Variants in TCF4 observed in about 807,000 individuals in gnomAD.
TCF4 encodes the protein SL3-3 enhancer factor 2.
In TCF4, 3 loss-of-function variants were observed where a neutral mutation model predicts 82.1. The observed-to-expected ratio is 0.04, with a 90% CI of 0.02 to 0.09. The LOEUF (loss-of-function observed/expected upper bound fraction) is 0.09. TCF4 is among the 10% of genes least tolerant of loss of function. TCF4 has a pLI of 1.00. For synonymous variants in TCF4, 276 were observed against 309.6 expected (o/e 0.89, Z 1.14); for missense variants, 518 against 852.7 (o/e 0.61, Z 4.89).
At chr18:55,498,098 T>A (rs2096657843) in intron 3 of TCF4, among the ~76,000 whole-genome samples, 2 of 152,236 alleles carry the variant, frequency 1.3e-5, no homozygotes, top group Non-Finnish European at 2.9e-5. Flanking sequence ...TACACCAAGA[T>A]ATTTTTACAA....
chr18:55,303,226 TAC>T (rs74180496), intron 8 of TCF4, among the ~76,000 whole-genome samples: 8,671 of 135,906 alleles, frequency 0.064, 271 homozygotes, highest in Non-Finnish European at 0.073. Flanking sequence ...TCCCAGTACG[TAC>T]ACACACACAC....
chr18:55,322,206 T>C, intron 8 of TCF4: 1 of 1,063,056 alleles, frequency 9.4e-7, no homozygotes, highest in Non-Finnish European at 1.1e-6. Context: ...GGGTCCATTA[T>C]TGAGCAGAAT....
chr18:55,357,081 A>G (rs2145035150), intron 6 of TCF4, among the ~76,000 whole-genome samples: 1 of 152,304 alleles, frequency 6.6e-6, no homozygotes, highest in South Asian at 2.1e-4. Context: ...ACAACTGCCC[A>G]AGGGTTGGCC....
chr18:55,568,627 T>TA (rs2097431355), intron 3 of TCF4, among the ~76,000 whole-genome samples: 1 of 152,064 alleles, frequency 6.6e-6, no homozygotes, highest in Non-Finnish European at 1.5e-5. Flanking sequence ...ATCAGTGGCT[T>TA]AAAATCTTCT....
intron 8 of TCF4, among the ~76,000 whole-genome samples, chr18:55,282,983 A>G (rs1273752215): frequency 6.6e-6 from 1 of 152,128 alleles, no homozygotes; most frequent in Non-Finnish European, 1.5e-5. Flanking sequence ...TCTTTTAGTA[A>G]CCTATTTGTT....
intron 14 of TCF4, among the ~76,000 whole-genome samples, chr18:55,256,097 T>A (rs933029766): frequency 6.6e-6 from 1 of 152,136 alleles, no homozygotes; most frequent in Non-Finnish European, 1.5e-5. Context: ...GGAATGATAA[T>A]ACATACTTAC....
At chr18:55,274,683 A>G (rs895270178) in intron 10 of TCF4, among the ~76,000 whole-genome samples, 1 of 152,180 alleles carries the variant, frequency 6.6e-6, no homozygotes, top group Non-Finnish European at 1.5e-5. Flanking sequence ...GGATCACTGG[A>G]TTTCCCATAT....
chr18:55,566,208 G>T (rs956025679), intron 3 of TCF4, among the ~76,000 whole-genome samples: 1 of 151,770 alleles, frequency 6.6e-6, no homozygotes, highest in African/African-American at 2.4e-5. Context: ...GCGAGATTCT[G>T]CCTCAAAAAC....
upstream of TCF4, chr18:55,589,202 T>C: frequency 8.5e-6 from 8 of 937,442 alleles, no homozygotes; most frequent in Non-Finnish European, 1.0e-5. Flanking sequence ...ATTTAATAGG[T>C]TGTCCCTTTT....
At chr18:55,562,790 TA>T (rs1321137130) in intron 3 of TCF4, among the ~76,000 whole-genome samples, 1 of 152,228 alleles carries the variant, frequency 6.6e-6, no homozygotes, top group African/African-American at 2.4e-5. Flanking sequence ...CCTTCTACCA[TA>T]AATAATATCT....
chr18:55,356,734 T>C (rs184669162), intron 6 of TCF4, among the ~76,000 whole-genome samples: 376 of 152,300 alleles, frequency 2.5e-3, no homozygotes, highest in Non-Finnish European at 3.9e-3. Flanking sequence ...AATGAATTAT[T>C]ATGTTATACT....
At chr18:55,451,963 G>A (rs1026195273) in intron 5 of TCF4, among the ~76,000 whole-genome samples, 2 of 152,146 alleles carry the variant, frequency 1.3e-5, no homozygotes, top group African/African-American at 4.8e-5. Context: ...CTATAATCAT[G>A]TCACTGTACT....
At chr18:55,311,800 T>C (rs1323971614) in intron 8 of TCF4, among the ~76,000 whole-genome samples, 3 of 152,242 alleles carry the variant, frequency 2.0e-5, no homozygotes. Flanking sequence ...TGTTCTGAAC[T>C]ACATGCAATA....
At chr18:55,264,486 C>A (rs1307412255) in intron 11 of TCF4, 3 of 152,076 alleles carry the variant, frequency 2.0e-5, no homozygotes, top group Admixed American at 2.0e-4. Context: ...ACATGTTAAG[C>A]TACATGAGTC....
intron 3 of TCF4, among the ~76,000 whole-genome samples, chr18:55,576,580 T>A (rs2097529987): frequency 6.6e-6 from 1 of 152,138 alleles, no homozygotes; most frequent in Non-Finnish European, 1.5e-5. Flanking sequence ...TGTGCTTGGT[T>A]CACAGTGATC....
At position 55,279,556 on chromosome 18, in the gene TCF4, A is replaced by T; in HGVS notation, c.650T>A (p.Met217Lys). 2 of 1,613,922 alleles carry T rather than the reference A, an allele frequency of 1.2e-6. No individual in the cohort carries two copies. Among genetic ancestry groups the T allele is most frequent in the Non-Finnish European group, 1.7e-6 (2 of 1,179,866 alleles). Reference protein sequence around the residue: ...ATSTFPSSFFMQDGHHSSDPW... With the variant: ...ATSTFPSSFFKQDGHHSSDPW... ...CAGAAGCAGCAGCATCTTACCTTGC[A>T]TGAAGAAGGAGCTAGGGAAAGTGCT... Residue 217 changes from methionine (M) to lysine (K), a missense_variant, in exon 9 of 20, where the codon ATG becomes AAG. By Grantham distance (95) the Met-to-Lys change is moderately conservative. This residue lies in a region of TCF4 where 211 missense variants were observed against 327.4 expected (regional missense o/e 0.64). Coordinates refer to ENST00000354452, the MANE Select transcript of TCF4 (RefSeq NM_001083962.2).
chr18:55,318,276 C>A (rs2074647161), intron 8 of TCF4, among the ~76,000 whole-genome samples: 1 of 152,032 alleles, frequency 6.6e-6, no homozygotes, highest in Non-Finnish European at 1.5e-5. Flanking sequence ...AAATTTAGAG[C>A]TAGAACTACA....
intron 3 of TCF4, among the ~76,000 whole-genome samples, chr18:55,518,251 T>C (rs1354345687): frequency 6.6e-6 from 1 of 152,170 alleles, no homozygotes; most frequent in Non-Finnish European, 1.5e-5. Context: ...TATTTATAGC[T>C]AATATGAATT....
intron 8 of TCF4, among the ~76,000 whole-genome samples, chr18:55,328,431 C>T (rs1162476900): frequency 1.3e-5 from 2 of 151,686 alleles, no homozygotes; most frequent in South Asian, 2.1e-4. Flanking sequence ...TAATCCATAG[C>T]CAGTCTCCAA....
Sources: gnomAD v4.1 joint callset for allele counts (sites outside exome capture counted in the v4.1 genomes callset) on GRCh38, gnomAD v4.1.1 for gene constraint, gnomAD v4.1.1 regional missense constraint, MANE v1.5 for transcripts, NCBI Gene and HGNC (gene_info 2026-07-23, HGNC 2026-07-21) for gene names.